The following SLC14A1 variants were observed in gnomAD, a reference collection of about 807,000 sequenced individuals.
SLC14A1 encodes solute carrier family 14 member 1 (Kidd blood group), also known as urea transporter 1.
In SLC14A1, 36 loss-of-function variants were observed where a neutral mutation model predicts 39.6. The observed-to-expected ratio is 0.91, with a 90% CI of 0.70 to 1.20. The LOEUF is 1.20. SLC14A1 is among the 50% of genes most tolerant of loss of function. The probability of loss-of-function intolerance (pLI) is 0.00; values close to 1 mark genes in which losing one functional copy is unlikely to be tolerated. For synonymous variants in SLC14A1, 164 were observed against 173.6 expected (o/e 0.94, Z 0.43); for missense variants, 469 against 478.7 (o/e 0.98, Z 0.19).
At chr18:45,740,642 C>A (rs1426852477) in intron 8 of SLC14A1, among the ~76,000 whole-genome samples, 1 of 152,042 alleles carries the variant, frequency 6.6e-6, no homozygotes. Context: ...CTCAAGCAAT[C>A]CTGCAGCCTC....
intron 6 of SLC14A1, 33 bp downstream of exon 6, chr18:45,736,681 G>C (rs190276037): frequency 6.3e-7 from 1 of 1,598,278 alleles, no homozygotes; most frequent in East Asian, 2.2e-5. Context: ...ATTCGCCCTG[G>C]CTCTGCAAGA....
intron 2 of SLC14A1, chr18:45,727,101 CCTT>C: frequency 3.2e-6 from 2 of 628,932 alleles, no homozygotes; most frequent in Non-Finnish European, 2.8e-6. Context: ...GCAAAGTCCT[CCTT>C]CTTCATTAGC....
rs564503343 is a variant in SLC14A1 at position 45,743,618 on chromosome 18, T to A, written c.946+3956T>A. On this transcript the variant is annotated intron_variant, in intron 8 of 9. Transcript: ENST00000321925. ...AAGTTACCATATTTAATTCATACAG[T>A]TGTTCTGATGATTAAGTTAGTTAAT... is the stretch of plus-strand genomic sequence containing the variant. 2.4e-3 allele frequency among the ~76,000 whole-genome samples: 372 copies of A among 152,352 alleles called. 2 individuals carry two copies. Among genetic ancestry groups the A allele is most frequent in the African/African-American group, 8.5e-3 (354 of 41,582 alleles).
chr18:45,738,251 C>T (rs960829724), intron 6 of SLC14A1, among the ~76,000 whole-genome samples: 1 of 152,222 alleles, frequency 6.6e-6, no homozygotes, highest in African/African-American at 2.4e-5. Flanking sequence ...GTCTTTGGTA[C>T]ATACACGACC....
At chr18:45,727,543 G>T in intron 2 of SLC14A1, 1 of 1,187,280 alleles carries the variant, frequency 8.4e-7, no homozygotes, top group South Asian at 1.6e-5. Context: ...AAGGCACAGG[G>T]ATCTTGGTCC....
At chr18:45,740,477 C>T (rs143045188) in intron 8 of SLC14A1, among the ~76,000 whole-genome samples, 123 of 149,044 alleles carry the variant, frequency 8.3e-4, no homozygotes, top group African/African-American at 2.7e-3. Flanking sequence ...GCCAAGATCG[C>T]GCCACTGCAC....
chr18:45,752,233 T>C lies in SLC14A1; in HGVS notation c.*2282T>C. 1 of 985,388 alleles carries C rather than the reference T, an allele frequency of 1.0e-6. No individual in the cohort carries two copies. 61.0% of individuals were successfully genotyped at this position (985,388 alleles called of 1,614,324 possible). On this transcript the variant is annotated 3_prime_UTR_variant, in exon 10 of 10. Transcript: ENST00000321925. ...AAAAAGCAAGCATAACCAAAGATCA[T>C]CAGCAGTGAAGAATCTAGGCTGTGG...
intron 6 of SLC14A1, among the ~76,000 whole-genome samples, chr18:45,737,885 G>A (rs1458596525): frequency 2.6e-5 from 4 of 152,152 alleles, no homozygotes; most frequent in Non-Finnish European, 5.9e-5. Context: ...CTGATCTGGG[G>A]CAGGGGAAGC....
intron 4 of SLC14A1, 97 bp from the exon 5 acceptor site, chr18:45,734,177 A>T: frequency 6.9e-7 from 1 of 1,448,750 alleles, no homozygotes; most frequent in Non-Finnish European, 9.7e-7. Flanking sequence ...CTCATTTTTT[A>T]ATATGAATAT....
At chr18:45,736,057 C>T (rs2047184556) in intron 5 of SLC14A1, among the ~76,000 whole-genome samples, 1 of 152,166 alleles carries the variant, frequency 6.6e-6, no homozygotes, top group Non-Finnish European at 1.5e-5. Flanking sequence ...GAAATAATAT[C>T]TGCCAAATCA....
At chr18:45,737,198 C>T (rs1438561101) in intron 6 of SLC14A1, among the ~76,000 whole-genome samples, 1 of 152,208 alleles carries the variant, frequency 6.6e-6, no homozygotes, top group Non-Finnish European at 1.5e-5. Context: ...CTCTAAATCA[C>T]AATCTCTAAG....
chr18:45,748,361 T>C lies in SLC14A1; in HGVS notation c.947-15T>C. ...CTACGAAGCATTGTTCTTTCCCTCC[T>C]TTTTTTTTCTGTAGCCCTGTTCACG... On this transcript the variant is annotated splice_polypyrimidine_tract_variant and intron_variant, in intron 8 of 9. Transcript: ENST00000321925. The C allele has an allele frequency of 6.2e-7, 1 of 1,603,506 alleles. No homozygotes were observed. Among genetic ancestry groups the C allele is most frequent in the Non-Finnish European group, 8.5e-7 (1 of 1,171,472 alleles).
At chr18:45,727,428 C>A in intron 2 of SLC14A1, 1 of 1,536,136 alleles carries the variant, frequency 6.5e-7, no homozygotes, top group South Asian at 1.2e-5. Context: ...GGTATGCTTC[C>A]TTCGTGCAGC....
intron 9 of SLC14A1, 56 bp downstream of exon 9, chr18:45,748,481 A>G: frequency 1.3e-6 from 2 of 1,565,258 alleles, no homozygotes; most frequent in Non-Finnish European, 8.8e-7. Context: ...TTACAACTAT[A>G]TGGGAAATGC....
intron 2 of SLC14A1, 66 bp from the exon 3 acceptor site, chr18:45,730,234 C>A: frequency 6.6e-7 from 1 of 1,519,624 alleles, no homozygotes; most frequent in South Asian, 1.3e-5. Context: ...TGTAACCAGG[C>A]CCAAAGCTGG....
intron 1 of SLC14A1, among the ~76,000 whole-genome samples, chr18:45,724,534 G>T (rs1178735774): frequency 6.6e-6 from 1 of 152,246 alleles, no homozygotes; most frequent in African/African-American, 2.4e-5. Flanking sequence ...TGATGTGGAA[G>T]AGGGTTTGCA....
chr18:45,739,394 C>T (rs531281), intron 7 of SLC14A1, 84 bp downstream of exon 7: 1,492,067 of 1,609,910 alleles, frequency 0.93, 691,762 homozygotes, highest in East Asian at 1. Flanking sequence ...TCCAGATCTT[C>T]CTTGAGATCT....
rs373326880 is a variant in SLC14A1, at chr18:45,739,676, G to A, written c.946+14G>A. ...CTCTTGGCTGTGGTGAGTCTCCCAC[G>A]CCCCTGGGGGAGGGCTGCTCATGAC... On this transcript the variant is annotated intron_variant, in intron 8 of 9. Transcript: ENST00000321925. 52 of 1,613,814 alleles carry A rather than the reference G, an allele frequency of 3.2e-5. No homozygotes were observed. In the Admixed American group the frequency reaches 5.8e-4, roughly 18 times the overall value.
chr18:45,734,109 CTT>C lies in SLC14A1; in HGVS notation c.342-163_342-162del, dbSNP rs2047112764. On this transcript the variant is annotated intron_variant, in intron 4 of 9. Coordinates refer to ENST00000321925, the MANE Select transcript of SLC14A1 (RefSeq NM_015865.7). ...TATCTATGTATATTTCACTTCATGT[CTT>C]TATTAGTTTTTGTACGATGCTTACG... The C allele has an allele frequency of 2.8e-5, 23 of 820,694 alleles. 1 individual carries two copies. The South Asian group carries it at 3.1e-4, about 11-fold the overall frequency. The allele number at this position is 820,694 out of a possible 1,614,324, so 50.8% of individuals were successfully genotyped here.
Sources: allele counts gnomAD v4.1 joint callset (sites outside exome capture counted in the v4.1 genomes callset), GRCh38; gene constraint gnomAD v4.1.1; transcripts MANE v1.5; gene names NCBI Gene and HGNC (gene_info 2026-07-23, HGNC 2026-07-21).